Variants in PIEZO1 observed in about 807,000 individuals in gnomAD.
The protein encoded by PIEZO1 is piezo type mechanosensitive ion channel component 1 (Er blood group), also known as piezo-type mechanosensitive ion channel component 1.
PIEZO1 carries 296 observed loss-of-function variants against 297.2 expected under a neutral mutation model. The observed-to-expected ratio is 1.00, with a 90% confidence interval of 0.91 to 1.10. The LOEUF (loss-of-function observed/expected upper bound fraction) is 1.10, where lower values mean the gene tolerates loss of function less well. PIEZO1 is among the 50% of genes least tolerant of loss of function. The pLI, the probability that PIEZO1 is intolerant of heterozygous loss-of-function variation, is 0.00. For missense variants in PIEZO1, 5,018 were observed against 3,455.5 expected (o/e 1.45, Z -11.34); for synonymous variants, 2,427 against 1,507.5 (o/e 1.61, Z -14.13).
rs750931162 is a variant in PIEZO1, at chr16:88,732,309, AG to A, written c.2991+25del. 170 of 1,531,044 alleles carry A rather than the reference AG, an allele frequency of 1.1e-4. 1 individual carries two copies. The highest frequency in any genetic ancestry group is 1.7e-4 in the Middle Eastern group (1 of 5,938). 94.8% of individuals were successfully genotyped at this position (1,531,044 alleles called of 1,614,324 possible). A position where few individuals can be genotyped will look rare whatever the true frequency, so the allele number is the denominator to read the frequency against. On this transcript the variant is annotated intron_variant, in intron 21 of 50. Transcript: ENST00000301015. The stretch of plus-strand genomic sequence containing the variant: ...CCTCCCGAAGGCCAAGCCCTGCCCC[AG>A]GGGGAGGCAATGTCCTTGCCTCACC...
At chr16:88,746,505 C>T (rs1906065520) in intron 2 of PIEZO1, among the ~76,000 whole-genome samples, 1 of 151,862 alleles carries the variant, frequency 6.6e-6, no homozygotes. Flanking sequence ...CTGAGCTCAA[C>T]CTCCAGCCCC....
chr16:88,755,322 G>A (rs1179758550), intron 1 of PIEZO1, among the ~76,000 whole-genome samples: 2 of 152,232 alleles, frequency 1.3e-5, no homozygotes, highest in Admixed American at 1.3e-4. Flanking sequence ...AGACTGGCTG[G>A]TTGATGCATC....
chr16:88,780,277 C>G (rs1388095069), intron 1 of PIEZO1, among the ~76,000 whole-genome samples: 2 of 152,218 alleles, frequency 1.3e-5, no homozygotes, highest in African/African-American at 4.8e-5. Context: ...TAACTTCCCT[C>G]ACCCCAGAGT....
chr16:88,724,948 AG>A, intron 30 of PIEZO1, 60 bp downstream of exon 30: 1 of 1,069,148 alleles, frequency 9.4e-7, no homozygotes, highest in Non-Finnish European at 1.3e-6. Flanking sequence ...GGCCAGGCAG[AG>A]GACAGATGGG....
Position 88,725,746 on chromosome 16 carries a change from C to T in PIEZO1, c.3969-62G>A, listed in dbSNP as rs536029338. 21 of 845,934 alleles carry T rather than the reference C, an allele frequency of 2.5e-5. No individual in the cohort carries two copies. In the East Asian group the frequency reaches 2.9e-4, roughly 12 times the overall value. 52.4% of individuals were successfully genotyped at this position (845,934 alleles called of 1,614,324 possible). A position where few individuals can be genotyped will look rare whatever the true frequency, so the allele number is the denominator to read the frequency against. Reference sequence around the variant, plus strand: ...ACTCGACCCCAGCAACATGGGCAGCCGCCGCTCCCCGCTCAGCCCGGGACA... The same window carrying T: ...ACTCGACCCCAGCAACATGGGCAGCTGCCGCTCCCCGCTCAGCCCGGGACA... On this transcript the variant is annotated intron_variant, in intron 27 of 50. Coordinates refer to ENST00000301015, the MANE Select transcript of PIEZO1 (RefSeq NM_001142864.4).
At chr16:88,770,840 G>A (rs1166400596) in intron 1 of PIEZO1, among the ~76,000 whole-genome samples, 1 of 152,234 alleles carries the variant, frequency 6.6e-6, no homozygotes, top group Non-Finnish European at 1.5e-5. Flanking sequence ...AGAGTCGCTG[G>A]GCCTCATGTC....
At position 88,716,421 on chromosome 16, in the gene PIEZO1, G is replaced by GGGGCCA; in HGVS notation, c.6983_6988dup (p.Leu2328_Ala2329dup). ...CAGCTGCCGCCGTGCAGTGCTGTTG[G>GGGGCCA]GGGCCAGGGCCAGCATGTGCTTCTC... On this transcript the variant is annotated inframe_insertion, in exon 48 of 51. Transcript: ENST00000301015. 1 of 1,549,784 alleles carries GGGGCCA rather than the reference G, an allele frequency of 6.5e-7. No individual in the cohort carries two copies. The highest frequency in any genetic ancestry group is 8.7e-7 in the Non-Finnish European group (1 of 1,146,694).
At chr16:88,726,194 G>T (rs186955676) in intron 27 of PIEZO1, 90 bp downstream of exon 27, 2 of 1,135,152 alleles carry the variant, frequency 1.8e-6, no homozygotes, top group African/African-American at 3.1e-5. Flanking sequence ...TGCCCTCCAC[G>T]GGCCGGGGCC....
At chr16:88,766,450 T>A (rs1907185252) in intron 1 of PIEZO1, among the ~76,000 whole-genome samples, 1 of 152,088 alleles carries the variant, frequency 6.6e-6, no homozygotes. Flanking sequence ...TAGAGAGACA[T>A]ATCAATATAT....
In PIEZO1 at chr16:88,762,380, C is replaced by T. The variant is rs980127571; in HGVS notation, c.65-12901G>A. On this transcript the variant is annotated intron_variant, in intron 1 of 50. Coordinates refer to ENST00000301015, the MANE Select transcript of PIEZO1 (RefSeq NM_001142864.4). ...CCTGAGGTCAGTGATGGGCACTTTC[C>T]TGCCACCCTTGGATCGGCCCTGCCC... Among the ~76,000 whole-genome samples the T allele has an allele frequency of 2.6e-5, 4 of 152,234 alleles. No individual in the cohort carries two copies. In the East Asian group the frequency reaches 7.7e-4, roughly 29 times the overall value.
At chr16:88,750,019 C>T (rs60350208) in intron 1 of PIEZO1, among the ~76,000 whole-genome samples, 10,657 of 149,368 alleles carry the variant, frequency 0.071, 846 homozygotes, top group African/African-American at 0.19. Flanking sequence ...CAAGACTCCG[C>T]CTCAAAAAGA....
At position 88,720,220 on chromosome 16, in the gene PIEZO1, G is replaced by C; in HGVS notation, c.6013C>G (p.Leu2005Val). Residue 2005 changes from leucine to valine, a missense_variant, in exon 42 of 51, where the codon CTG becomes GTG. Leu to Val is a conservative substitution (Grantham distance 32). Transcript: ENST00000301015. Reference sequence around the variant, plus strand: ...CTGAACTGGATCAGCAGCATGACCAGGAAAGCCTCGGGTACCTGGTCGTCT... The same window carrying C: ...CTGAACTGGATCAGCAGCATGACCACGAAAGCCTCGGGTACCTGGTCGTCT... ...LSDDQVPEAFLVMLLIQFSTM... is the reference protein window; with the variant it reads ...LSDDQVPEAFVVMLLIQFSTM... 6.4e-7 allele frequency: 1 copy of C among 1,550,574 alleles called. No individual in the cohort carries two copies. The highest frequency in any genetic ancestry group is 8.7e-7 in the Non-Finnish European group (1 of 1,146,984).
At chr16:88,741,774 C>A (rs1409800027) in intron 4 of PIEZO1, 158 bp from the exon 5 acceptor site, 3 of 247,776 alleles carry the variant, frequency 1.2e-5, no homozygotes, top group African/African-American at 1.1e-4. Context: ...GTGGATGGGT[C>A]TCCAGGTGCG....
chr16:88,720,981 G>A (rs573785496), intron 39 of PIEZO1, among the ~76,000 whole-genome samples, 185 bp downstream of exon 39: 58 of 152,282 alleles, frequency 3.8e-4, no homozygotes, highest in Admixed American at 2.9e-3. Flanking sequence ...GAGCATCCCC[G>A]GGGGCAGCAG....
rs568165150 is a variant in PIEZO1, at chr16:88,720,164, C to T, written c.6069G>A (p.Leu2023=). The T allele has an allele frequency of 1.9e-6, 3 of 1,550,478 alleles. No individual in the cohort carries two copies. In the Admixed American group the frequency reaches 5.9e-5, roughly 30 times the overall value. The stretch of plus-strand genomic sequence containing the variant: ...CCAGCTTGCCCAGCACGGTCTTGCG[C>T]AGGTAGAGGGCGCGGTCAACCACCA... ...STMVVDRALY[L]RKTVLGKLAF... Residue 2023 remains leucine, a synonymous_variant, in exon 42 of 51, where the codon CTG becomes CTA. Coordinates refer to ENST00000301015, the MANE Select transcript of PIEZO1 (RefSeq NM_001142864.4).
intron 5 of PIEZO1, chr16:88,739,955 G>C (rs1273237355): frequency 6.6e-6 from 1 of 152,146 alleles, no homozygotes; most frequent in Non-Finnish European, 1.5e-5. Context: ...ACAGGTGTGA[G>C]GCCACCGAGG....
chr16:88,775,355 G>A (rs889785990), intron 1 of PIEZO1, among the ~76,000 whole-genome samples: 36 of 152,236 alleles, frequency 2.4e-4, no homozygotes, highest in Non-Finnish European at 2.9e-5. Flanking sequence ...GGGAGAGGAC[G>A]TTCAGTGGCA....
At chr16:88,745,458 C>G (rs998641382) in intron 2 of PIEZO1, 4 of 152,264 alleles carry the variant, frequency 2.6e-5, no homozygotes, top group Non-Finnish European at 5.9e-5. Context: ...CTTGCCCACC[C>G]AGAAGAAGGT....
chr16:88,770,511 G>A (rs1211058391), intron 1 of PIEZO1, among the ~76,000 whole-genome samples: 3 of 152,222 alleles, frequency 2.0e-5, no homozygotes, highest in Admixed American at 1.3e-4. Flanking sequence ...TTCTCCTCAG[G>A]GGCGGCTCCA....
Sources: allele counts gnomAD v4.1 joint callset (sites outside exome capture counted in the v4.1 genomes callset), GRCh38; gene constraint gnomAD v4.1.1; transcripts MANE v1.5; gene names NCBI Gene and HGNC (gene_info 2026-07-23, HGNC 2026-07-21).